The following DDX27 variants were observed in gnomAD, a reference collection of about 807,000 sequenced individuals.
DDX27 encodes the protein DEAD-box helicase 27.
In DDX27, 42 loss-of-function variants were observed where a neutral mutation model predicts 99.3. The observed-to-expected ratio is 0.42, with a 90% CI of 0.33 to 0.55. The LOEUF is 0.55. Ranked by LOEUF, DDX27 falls within the 20% of genes least tolerant of loss-of-function variation. The probability of loss-of-function intolerance (pLI) is 0.07; values close to 1 mark genes in which losing one functional copy is unlikely to be tolerated. For missense variants in DDX27, 798 were observed against 976.8 expected (o/e 0.82, Z 2.44); for synonymous variants, 329 against 353.8 (o/e 0.93, Z 0.79).
chr20:49,226,361 C>A, intron 6 of DDX27, 69 bp from the exon 7 acceptor site: 3 of 1,235,898 alleles, frequency 2.4e-6, no homozygotes, highest in Non-Finnish European at 2.3e-6. Context: ...GTCTGGAAAC[C>A]TGCCCTGTTT....
intron 1 of DDX27, 127 bp downstream of exon 1, chr20:49,219,668 C>T (rs1979559381): frequency 1.0e-6 from 1 of 1,003,600 alleles, no homozygotes; most frequent in African/African-American, 1.7e-5. Flanking sequence ...AGGATCTCAC[C>T]GGGACCCCAA....
At chr20:49,222,646 C>T (rs1979731583) in intron 2 of DDX27, among the ~76,000 whole-genome samples, 1 of 152,090 alleles carries the variant, frequency 6.6e-6, no homozygotes, top group South Asian at 2.1e-4. Context: ...TCCCGAGTAG[C>T]TGGGATTACA....
chr20:49,222,107 A>C (rs1979709446), intron 2 of DDX27, among the ~76,000 whole-genome samples: 1 of 150,264 alleles, frequency 6.7e-6, no homozygotes, highest in Non-Finnish European at 1.5e-5. Flanking sequence ...GCTGGTCCTT[A>C]CTCTGATTGA....
rs1464992024 is a variant in DDX27 at position 49,219,478 on chromosome 20, C to A, written c.30C>A (p.Thr10=). The A allele has an allele frequency of 2.5e-6, 4 of 1,614,138 alleles. No individual in the cohort carries two copies. Among genetic ancestry groups the A allele is most frequent in the Non-Finnish European group, 3.4e-6 (4 of 1,180,000 alleles). Residue 10 remains threonine (T), a synonymous_variant, in exon 1 of 21, where the codon ACC becomes ACA. Transcript: ENST00000618172. ...TTGCGGACCTCGGCTTAATCGGAAC[C>A]ATAGGCGAGGATGACGAGGTGCCGG... MLADLGLIG[T]IGEDDEVPVE...
chr20:49,234,826 CT>C, intron 11 of DDX27, 108 bp from the exon 12 acceptor site: 2 of 1,326,746 alleles, frequency 1.5e-6, no homozygotes, highest in Non-Finnish European at 2.0e-6. Flanking sequence ...GGGACAGTGC[CT>C]GTCTATCCAG....
chr20:49,239,381 C>A (rs1980404740), intron 16 of DDX27, 43 bp downstream of exon 16: 2 of 1,437,520 alleles, frequency 1.4e-6, no homozygotes, highest in Non-Finnish European at 9.6e-7. Context: ...ACAGAATTAC[C>A]CCACAGGACT....
chr20:49,223,295 GA>G lies in DDX27; in HGVS notation c.332del (p.Lys111ArgfsTer50). On this transcript the variant is annotated frameshift_variant, in exon 4 of 21. Transcript: ENST00000618172. LOFTEE classifies it high-confidence loss of function. ...TAAAGAAGCCAAGTCTGGGAAGTTG[GA>G]AAAGGAGAAAGAAGCAAAGGAAGGC... ...EDKEAKSGKL[E>X]KEKEAKEGSE... 6.2e-7 allele frequency: 1 copy of G among 1,611,564 alleles called. No homozygotes were observed. Among genetic ancestry groups the G allele is most frequent in the African/African-American group, 1.3e-5 (1 of 74,784 alleles).
intron 8 of DDX27, among the ~76,000 whole-genome samples, chr20:49,229,104 C>G (rs1568973774): frequency 7.1e-6 from 1 of 140,170 alleles, no homozygotes; most frequent in Non-Finnish European, 1.5e-5. Context: ...GTGGCGCAAT[C>G]TTGGCTCACT....
At chr20:49,233,063 G>A (rs919083897) in intron 9 of DDX27, among the ~76,000 whole-genome samples, 1 of 152,188 alleles carries the variant, frequency 6.6e-6, no homozygotes, top group Non-Finnish European at 1.5e-5. Context: ...AGGTCCTAGT[G>A]CTTAGGAGTT....
chr20:49,239,197 AC>A, intron 15 of DDX27, 38 bp from the exon 16 acceptor site: 1 of 1,597,034 alleles, frequency 6.3e-7, no homozygotes, highest in Non-Finnish European at 8.6e-7. Flanking sequence ...GTTAGTAGAT[AC>A]GGGTTTCACG....
Position 49,234,988 on chromosome 20 carries a change from A to G in DDX27, c.1327A>G (p.Lys443Glu). ...DHVMLFTQTK[K>E]QAHRMHILLG... ...TGTGATGCTGTTCACGCAAACCAAG[A>G]AGCAGGCCCACCGCATGCACATCCT... The change falls in exon 12 of 21, where the codon AAG becomes GAG. Residue 443 changes from lysine to glutamate, a missense_variant. By Grantham distance (56) the Lys-to-Glu change is moderately conservative (BLOSUM62 1). Transcript: ENST00000618172. The G allele has an allele frequency of 6.2e-7, 1 of 1,613,306 alleles. No individual in the cohort carries two copies. Among genetic ancestry groups the G allele is most frequent in the Non-Finnish European group, 8.5e-7 (1 of 1,179,644 alleles).
At position 49,243,862 on chromosome 20, in the gene DDX27, G is replaced by C. The variant is rs763979453; in HGVS notation, c.*28G>C. Reference sequence around the variant, plus strand: ...GTCGTGGCCTGAAGAAATTCATGGGGGCAGCCCTTAAATCCCTTCCCTGTG... The same window carrying C: ...GTCGTGGCCTGAAGAAATTCATGGGCGCAGCCCTTAAATCCCTTCCCTGTG... On this transcript the variant is annotated 3_prime_UTR_variant, in exon 21 of 21. Coordinates refer to ENST00000618172, the MANE Select transcript of DDX27 (RefSeq NM_017895.8). 5 of 1,613,950 alleles carry C rather than the reference G, an allele frequency of 3.1e-6. No homozygotes were observed. The highest frequency in any genetic ancestry group is 1.7e-5 in the Admixed American group (1 of 60,008).
At chr20:49,239,464 G>A (rs148055449) in intron 16 of DDX27, 126 bp downstream of exon 16, 6 of 683,752 alleles carry the variant, frequency 8.8e-6, no homozygotes, top group Admixed American at 5.8e-5. Context: ...GACCAGTATC[G>A]TGGAAGACAA....
chr20:49,236,108 G>C lies in DDX27; in HGVS notation c.1428-42G>C. The C allele has an allele frequency of 6.4e-7, 1 of 1,561,060 alleles. No homozygotes were observed. The highest frequency in any genetic ancestry group is 1.2e-5 in the South Asian group (1 of 85,000). On this transcript the variant is annotated intron_variant, in intron 12 of 20. Transcript: ENST00000618172. The surrounding 1 kb of genome is among the most constrained non-coding windows in gnomAD (Gnocchi z 4.1). The stretch of plus-strand genomic sequence containing the variant: ...TCAGGCTCTTGTGGAGCATTATTAG[G>C]GGAGGGTGTCTGGATGAACAGCTGT...
At chr20:49,226,293 G>A in intron 6 of DDX27, 137 bp from the exon 7 acceptor site, 1 of 590,356 alleles carries the variant, frequency 1.7e-6, no homozygotes, top group African/African-American at 1.9e-5. Flanking sequence ...CACATAGTAG[G>A]CGTTCAGTGA....
intron 12 of DDX27, chr20:49,235,798 CA>C (rs1980281334): frequency 6.2e-6 from 1 of 162,106 alleles, no homozygotes; most frequent in South Asian, 2.0e-4. Context: ...GGCTGGAGTG[CA>C]GTGGCGCAAT....
At chr20:49,229,679 C>T (rs1388396530) in intron 8 of DDX27, among the ~76,000 whole-genome samples, 1 of 139,030 alleles carries the variant, frequency 7.2e-6, no homozygotes. Context: ...GAGGAAGTCT[C>T]ACTCTGTTGC....
At chr20:49,220,238 ATTC>A (rs149703518) in intron 1 of DDX27, among the ~76,000 whole-genome samples, 83 of 152,214 alleles carry the variant, frequency 5.5e-4, no homozygotes, top group African/African-American at 1.8e-3. Context: ...CCTTAGAGTT[ATTC>A]TTGACAGTTT....
In DDX27 at chr20:49,236,562, G is replaced by C; in HGVS notation, c.1687+52G>C. On this transcript the variant is annotated intron_variant, in intron 14 of 20. Coordinates refer to ENST00000618172, the MANE Select transcript of DDX27 (RefSeq NM_017895.8). The surrounding 1 kb of genome is among the most constrained non-coding windows in gnomAD (Gnocchi z 4.1). ...AGAATGGCTCGGTGGGCGGGGCAAGGACAGAGTGTAATGGCTGAGAGCAGG... is the reference window on the plus strand; with the variant it reads ...AGAATGGCTCGGTGGGCGGGGCAAGCACAGAGTGTAATGGCTGAGAGCAGG... 1.3e-6 allele frequency: 2 copies of C among 1,496,154 alleles called. No individual in the cohort carries two copies. The highest frequency in any genetic ancestry group is 2.8e-5 in the South Asian group (2 of 71,718). 92.7% of individuals were successfully genotyped at this position (1,496,154 alleles called of 1,614,324 possible). A position where few individuals can be genotyped will look rare whatever the true frequency, so the allele number is the denominator to read the frequency against.
Sources: allele counts gnomAD v4.1 joint callset (sites outside exome capture counted in the v4.1 genomes callset), GRCh38; gene constraint gnomAD v4.1.1; non-coding constraint Gnocchi (gnomAD v3.1); transcripts MANE v1.5; gene names NCBI Gene and HGNC (gene_info 2026-07-23, HGNC 2026-07-21).